The following NOTO variants were observed in gnomAD, a reference collection of about 807,000 sequenced individuals.
The protein encoded by NOTO is notochord homeobox.
A neutral mutation model predicts 20.5 loss-of-function variants in NOTO; 19 were observed. The observed-to-expected ratio is 0.93, with a 90% CI of 0.65 to 1.36. The LOEUF (loss-of-function observed/expected upper bound fraction) is 1.36. Ranked by LOEUF, NOTO falls within the 40% of genes most tolerant of loss-of-function variation. NOTO has a pLI of 0.00. For missense variants in NOTO, 369 were observed against 336.2 expected, an observed-to-expected ratio of 1.10 and a Z score of -0.76; for synonymous variants, 150 against 150.2, an observed-to-expected ratio of 1.00 and a Z score of 0.01.
chr2:73,210,510 C>T (rs369337845), intron 2 of NOTO, among the ~76,000 whole-genome samples: 2 of 152,184 alleles, frequency 1.3e-5, no homozygotes, highest in African/African-American at 2.4e-5. Flanking sequence ...ATGAGCTCCA[C>T]GAGGGCAGGC....
chr2:73,203,437 G>T (rs1244339278), intron 1 of NOTO, among the ~76,000 whole-genome samples: 1 of 151,536 alleles, frequency 6.6e-6, no homozygotes, highest in South Asian at 2.1e-4. Flanking sequence ...TTCCCAAAGC[G>T]GCTCTCGACC....
At chr2:73,204,636 A>C (rs1686061737) in intron 1 of NOTO, among the ~76,000 whole-genome samples, 1 of 152,096 alleles carries the variant, frequency 6.6e-6, no homozygotes, top group Non-Finnish European at 1.5e-5. Flanking sequence ...CACACACCTG[A>C]GGTCTGAATT....
chr2:73,211,051 A>G lies in NOTO; in HGVS notation c.*122A>G, dbSNP rs1686172949. On this transcript the variant is annotated 3_prime_UTR_variant, in exon 3 of 3. Coordinates refer to ENST00000398468, the MANE Select transcript of NOTO (RefSeq NM_001134462.2). ...TCAACCAGAAGAATCTGAGCTGTCA[A>G]GCAGGGACCCCCTTTTCTATACTGA... The G allele has an allele frequency of 4.1e-6, 3 of 729,974 alleles. No homozygotes were observed. The allele number at this position is 729,974 out of a possible 1,614,324, so 45.2% of individuals were successfully genotyped here. A position where few individuals can be genotyped will look rare whatever the true frequency, so the allele number is the denominator to read the frequency against.
At chr2:73,205,811 A>AT (rs1427762367) in intron 1 of NOTO, among the ~76,000 whole-genome samples, 5 of 149,542 alleles carry the variant, frequency 3.3e-5, no homozygotes, top group East Asian at 3.9e-4. Flanking sequence ...AATTTAAAAC[A>AT]TTTTTTTTTG....
In NOTO at chr2:73,211,754, A is replaced by G. The variant is rs192582408; in HGVS notation, c.*825A>G. The stretch of plus-strand genomic sequence containing the variant: ...AGTGCTGGGATTACATGTGTGAGCC[A>G]CCACCCGGCCCAACCCTGCCCTTTT... On this transcript the variant is annotated 3_prime_UTR_variant, in exon 3 of 3. Transcript: ENST00000398468. 2.0e-5 allele frequency: 3 copies of G among 152,392 alleles called. No individual in the cohort carries two copies. In the East Asian group the frequency reaches 5.8e-4, roughly 29 times the overall value. The allele number at this position is 152,392 out of a possible 1,614,324, so 9.4% of individuals were successfully genotyped here. A position where few individuals can be genotyped will look rare whatever the true frequency, so the allele number is the denominator to read the frequency against.
In NOTO at chr2:73,208,478, G is replaced by A. The variant is rs139177410; in HGVS notation, c.461G>A (p.Arg154Lys). 20 of 1,551,664 alleles carry A rather than the reference G, an allele frequency of 1.3e-5. No homozygotes were observed. The highest frequency in any genetic ancestry group is 2.4e-5 in the East Asian group (1 of 40,922). Residue 154 changes from arginine (R) to lysine (K), a missense_variant, in exon 2 of 3, where the codon AGA (arginine) becomes AAA (lysine). By Grantham distance (26) the Arg-to-Lys change is conservative. Transcript: ENST00000398468. ...APTEDLQDTERQQKRVRTMFN... is the reference protein window; with the variant it reads ...APTEDLQDTEKQQKRVRTMFN... ...ACGGAGGACCTACAGGACACTGAGA[G>A]ACAGCAAAAGAGAGTCCGAACTATG...
At chr2:73,204,642 G>C (rs960265839) in intron 1 of NOTO, among the ~76,000 whole-genome samples, 4 of 152,124 alleles carry the variant, frequency 2.6e-5, no homozygotes, top group Non-Finnish European at 4.4e-5. Context: ...CCTGAGGTCT[G>C]AATTACAGTT....
Position 73,202,766 on chromosome 2 carries a change from A to G in NOTO, c.100A>G (p.Thr34Ala). ...CCGCTCTCCGGCGCCCAGGTCCCCT[A>G]CTGGCCCGAACACGCCCCGCGCTCC... is the stretch of plus-strand genomic sequence containing the variant. ...SGRSPAPRSP[T>A]GPNTPRAPGR... Residue 34 changes from threonine to alanine, a missense_variant, in exon 1 of 3, where the codon ACT becomes GCT. By Grantham distance (58) the Thr-to-Ala change is moderately conservative. Transcript: ENST00000398468. The G allele has an allele frequency of 2.6e-6, 4 of 1,522,908 alleles. No individual in the cohort carries two copies. The highest frequency in any genetic ancestry group is 2.6e-5 in the East Asian group (1 of 38,750). The allele number at this position is 1,522,908 out of a possible 1,614,324, so 94.3% of individuals were successfully genotyped here.
chr2:73,203,340 G>A (rs1264411584), intron 1 of NOTO, among the ~76,000 whole-genome samples: 1 of 152,174 alleles, frequency 6.6e-6, no homozygotes, highest in Non-Finnish European at 1.5e-5. Context: ...CAGCGCTGGG[G>A]CTGCAAGGGG....
chr2:73,208,263 C>T, intron 1 of NOTO, 137 bp from the exon 2 acceptor site: 9 of 622,890 alleles, frequency 1.4e-5, no homozygotes, highest in South Asian at 1.2e-4. Context: ...TCTTCTTGCA[C>T]TGTTACCTGG....
Position 73,210,812 on chromosome 2 carries a change from G to C in NOTO, c.639G>C (p.Lys213Asn). The C allele has an allele frequency of 6.4e-7, 1 of 1,551,644 alleles. No homozygotes were observed. The highest frequency in any genetic ancestry group is 1.4e-5 in the African/African-American group (1 of 73,190). The part of the protein sequence containing the change: ...WFQNRRVKYQ[K>N]QQKLRAAVTS... ...AGAACCGCAGGGTCAAGTATCAGAA[G>C]CAGCAAAAGCTGAGGGCAGCAGTTA... The change falls in exon 3 of 3, where the codon AAG (lysine) becomes AAC (asparagine). Residue 213 changes from lysine to asparagine, a missense_variant. Lys to Asn is a moderately conservative substitution (Grantham distance 94, BLOSUM62 0). Coordinates refer to ENST00000398468, the MANE Select transcript of NOTO (RefSeq NM_001134462.2).
At chr2:73,204,897 T>TTTTC (rs1686068786) in intron 1 of NOTO, among the ~76,000 whole-genome samples, 1 of 138,016 alleles carries the variant, frequency 7.2e-6, no homozygotes, top group African/African-American at 3.0e-5. Context: ...ATTTTTTTTT[T>TTTTC]TTGAGGCGGA....
At position 73,208,443 on chromosome 2, in the gene NOTO, C is replaced by CT; in HGVS notation, c.427dup (p.Trp143LeufsTer11). 1.3e-6 allele frequency: 2 copies of CT among 1,551,682 alleles called. No homozygotes were observed. The highest frequency in any genetic ancestry group is 1.7e-6 in the Non-Finnish European group (2 of 1,146,976). The stretch of plus-strand genomic sequence containing the variant: ...GCTCAGGACTCTGGGCCTTCCCAGA[C>CT]TGGGCCCCAACGGAGGACCTACAGG... On this transcript the variant is annotated frameshift_variant, in exon 2 of 3. Transcript: ENST00000398468. LOFTEE classifies it high-confidence loss of function.
At chr2:73,206,730 T>C (rs949978716) in intron 1 of NOTO, among the ~76,000 whole-genome samples, 23 of 151,640 alleles carry the variant, frequency 1.5e-4, no homozygotes, top group African/African-American at 5.6e-4. Flanking sequence ...AAGTACATTG[T>C]CTTGCCCAAG....
rs1686173734 is a variant in NOTO at position 73,211,109 on chromosome 2, G to A, written c.*180G>A. The A allele has an allele frequency of 5.4e-6, 3 of 559,480 alleles. No homozygotes were observed. The allele number at this position is 559,480 out of a possible 1,614,324, so 34.7% of individuals were successfully genotyped here. ...AAACTGGAATAATGTAATGATTGGA[G>A]GCACAGACTCTGGCCTTCAGCTATG... On this transcript the variant is annotated 3_prime_UTR_variant, in exon 3 of 3. Coordinates refer to ENST00000398468, the MANE Select transcript of NOTO (RefSeq NM_001134462.2).
chr2:73,208,668 C>T lies in NOTO; in HGVS notation c.597+54C>T, dbSNP rs372499157. 5.3e-4 allele frequency: 600 copies of T among 1,135,332 alleles called. 7 individuals carry two copies. In the South Asian group the frequency reaches 7.8e-3, roughly 15 times the overall value. 70.3% of individuals were successfully genotyped at this position (1,135,332 alleles called of 1,614,324 possible). ...GGCTGCACCTGGGGACAAACACTAC[C>T]TCAGCAAGGCCCTAAAAGGAGGGTG... On this transcript the variant is annotated intron_variant, in intron 2 of 2. Transcript: ENST00000398468.
Position 73,208,462 on chromosome 2 carries a change from C to T in NOTO, c.445C>T (p.Leu149=), listed in dbSNP as rs1686119161. ...CCCAGACTGGGCCCCAACGGAGGACCTACAGGACACTGAGAGACAGCAAAA... is the reference window on the plus strand; with the variant it reads ...CCCAGACTGGGCCCCAACGGAGGACTTACAGGACACTGAGAGACAGCAAAA... ...AFPDWAPTED[L]QDTERQQKRV... is the part of the protein sequence containing the mutation. The change falls in exon 2 of 3, where the codon CTA becomes TTA. Residue 149 remains leucine (L), a synonymous_variant. Transcript: ENST00000398468. 1 of 1,551,644 alleles carries T rather than the reference C, an allele frequency of 6.4e-7. No homozygotes were observed. The highest frequency in any genetic ancestry group is 8.7e-7 in the Non-Finnish European group (1 of 1,146,962).
intron 1 of NOTO, 43 bp downstream of exon 1, chr2:73,203,091 G>A (rs1275839555): frequency 3.7e-6 from 5 of 1,365,566 alleles, no homozygotes; most frequent in African/African-American, 1.5e-5. Context: ...CTGGGCGGGG[G>A]CTGGAGAGCC....
intron 1 of NOTO, among the ~76,000 whole-genome samples, chr2:73,206,917 C>T (rs901195211): frequency 6.6e-6 from 1 of 151,508 alleles, no homozygotes; most frequent in Non-Finnish European, 1.5e-5. Context: ...GCCTCAGCCT[C>T]CTGAGTAGCT....
Sources: allele counts gnomAD v4.1 joint callset (sites outside exome capture counted in the v4.1 genomes callset), GRCh38; gene constraint gnomAD v4.1.1; transcripts MANE v1.5; gene names NCBI Gene and HGNC (gene_info 2026-07-23, HGNC 2026-07-21).